Variants in POU6F2 observed in about 807,000 individuals in gnomAD.
The protein encoded by POU6F2 is POU class 6 homeobox 2, also known as POU domain, class 6, transcription factor 2.
In POU6F2, 31 loss-of-function variants were observed where a neutral mutation model predicts 71.3. The observed-to-expected ratio is 0.43, with a 90% CI of 0.33 to 0.59. POU6F2 has a LOEUF of 0.59. Ranked by LOEUF, POU6F2 falls within the 20% of genes least tolerant of loss-of-function variation. The pLI is 0.04. For missense variants in POU6F2, 783 were observed against 856.8 expected (o/e 0.91, Z 1.07); for synonymous variants, 347 against 355.7 (o/e 0.98, Z 0.27).
intron 2 of POU6F2, among the ~76,000 whole-genome samples, chr7:39,149,975 T>C (rs1306439286): frequency 6.7e-6 from 1 of 149,682 alleles, no homozygotes; most frequent in Non-Finnish European, 1.5e-5. Context: ...AAGCCCCGCC[T>C]CCCGGGTTCA....
chr7:39,294,763 T>C (rs1784817682), intron 4 of POU6F2, among the ~76,000 whole-genome samples: 1 of 152,126 alleles, frequency 6.6e-6, no homozygotes, highest in South Asian at 2.1e-4. Context: ...CAGGGGTGGC[T>C]AATGTTTATC....
chr7:39,450,051 T>G lies in POU6F2; in HGVS notation c.1321-1482T>G, dbSNP rs138985705. ...TGGTGGTTTCACGTGTGTACACATT[T>G]GACAAAACTCATCAAACTCTGTGTT... On this transcript the variant is annotated intron_variant, in intron 7 of 9. Transcript: ENST00000518318. 6.4e-4 allele frequency among the ~76,000 whole-genome samples: 97 copies of G among 152,358 alleles called. 1 individual carries two copies. The East Asian group carries it at 0.018, about 28-fold the overall frequency.
At chr7:39,383,244 A>G (rs1786866888) in intron 5 of POU6F2, among the ~76,000 whole-genome samples, 2 of 152,202 alleles carry the variant, frequency 1.3e-5, no homozygotes, top group South Asian at 2.1e-4. Context: ...GTAGTTGGCA[A>G]TGCATTTTGT....
intron 5 of POU6F2, among the ~76,000 whole-genome samples, chr7:39,349,657 A>G (rs1318054765): frequency 1.3e-5 from 2 of 152,212 alleles, no homozygotes; most frequent in Non-Finnish European, 2.9e-5. Context: ...TAGAGCACCA[A>G]GCAGTCAAAA....
chr7:39,274,899 C>T (rs1333434884), intron 4 of POU6F2, among the ~76,000 whole-genome samples: 2 of 151,640 alleles, frequency 1.3e-5, no homozygotes, highest in African/African-American at 2.4e-5. Context: ...TGGGACGTAT[C>T]TCAAAATAAT....
At chr7:39,450,804 G>A (rs1028584864) in intron 7 of POU6F2, among the ~76,000 whole-genome samples, 1 of 152,150 alleles carries the variant, frequency 6.6e-6, no homozygotes. Flanking sequence ...CTGTGCCTCA[G>A]CTTCCCTGTT....
At chr7:39,247,982 A>C (rs1783850327) in intron 4 of POU6F2, among the ~76,000 whole-genome samples, 1 of 152,190 alleles carries the variant, frequency 6.6e-6, no homozygotes, top group African/African-American at 2.4e-5. Context: ...GAAATTATAC[A>C]GTACATTTAA....
At chr7:39,335,666 A>T (rs1187805827) in intron 4 of POU6F2, among the ~76,000 whole-genome samples, 1 of 152,216 alleles carries the variant, frequency 6.6e-6, no homozygotes, top group East Asian at 1.9e-4. Context: ...AACACCATCT[A>T]TCCATACAGT....
chr7:39,086,099 AC>A (rs1239518968), intron 2 of POU6F2, 68 bp downstream of exon 2: 10 of 1,225,304 alleles, frequency 8.2e-6, no homozygotes, highest in East Asian at 3.1e-5. Context: ...AACCCCCCCA[AC>A]CCCCCCTTTT....
chr7:39,450,567 G>A (rs956122232), intron 7 of POU6F2, among the ~76,000 whole-genome samples: 4 of 152,102 alleles, frequency 2.6e-5, no homozygotes, highest in South Asian at 2.1e-4. Context: ...CCTCAGCTGA[G>A]CTCCTCTCAC....
intron 7 of POU6F2, 145 bp downstream of exon 7, chr7:39,433,428 G>T: frequency 1.2e-6 from 1 of 840,718 alleles, no homozygotes; most frequent in Non-Finnish European, 1.8e-6. Flanking sequence ...CTTATAAAAT[G>T]GCATGTAACT....
chr7:39,347,702 G>T (rs1216307939), intron 5 of POU6F2, among the ~76,000 whole-genome samples: 2 of 104,036 alleles, frequency 1.9e-5, no homozygotes, highest in Non-Finnish European at 4.7e-5. Flanking sequence ...CACAAACACA[G>T]CTCACTGCAG....
intron 8 of POU6F2, among the ~76,000 whole-genome samples, chr7:39,458,642 C>T (rs1327011903): frequency 6.6e-6 from 1 of 152,164 alleles, no homozygotes. Context: ...TGCCTGCCTT[C>T]TGGGAGTAGT....
intron 1 of POU6F2, among the ~76,000 whole-genome samples, chr7:38,991,424 G>A (rs1039558037): frequency 6.6e-6 from 1 of 151,988 alleles, no homozygotes; most frequent in African/African-American, 2.4e-5. Context: ...TTTGATCTTG[G>A]TACAGTCTAC....
chr7:39,094,827 A>G (rs1179581487), intron 2 of POU6F2, among the ~76,000 whole-genome samples: 2 of 152,194 alleles, frequency 1.3e-5, no homozygotes, highest in African/African-American at 4.8e-5. Flanking sequence ...AGGGTAAAGG[A>G]GAATAAAAAG....
At chr7:39,390,137 T>C (rs1290562504) in intron 5 of POU6F2, among the ~76,000 whole-genome samples, 2 of 152,210 alleles carry the variant, frequency 1.3e-5, no homozygotes, top group African/African-American at 4.8e-5. Flanking sequence ...GGCTCACTCC[T>C]GGAATCCCAG....
At chr7:39,172,852 C>T (rs1248146315) in intron 2 of POU6F2, among the ~76,000 whole-genome samples, 1 of 152,068 alleles carries the variant, frequency 6.6e-6, no homozygotes, top group Non-Finnish European at 1.5e-5. Context: ...AACTCCTGGG[C>T]TCAAATGATC....
chr7:39,162,451 T>C (rs1005948220), intron 2 of POU6F2, among the ~76,000 whole-genome samples: 2 of 152,230 alleles, frequency 1.3e-5, no homozygotes, highest in East Asian at 1.9e-4. Context: ...AAACGGTCTA[T>C]AGTTTCAACG....
chr7:39,412,169 T>C (rs1479126020), intron 6 of POU6F2, among the ~76,000 whole-genome samples: 2 of 152,236 alleles, frequency 1.3e-5, no homozygotes, highest in Non-Finnish European at 2.9e-5. Context: ...AATGATAGGC[T>C]TCTCACATAT....
Sources: allele counts gnomAD v4.1 joint callset (sites outside exome capture counted in the v4.1 genomes callset), GRCh38; gene constraint gnomAD v4.1.1; transcripts MANE v1.5; gene names NCBI Gene and HGNC (gene_info 2026-07-23, HGNC 2026-07-21).